The following FBXL17 variants were observed in gnomAD, a reference collection of about 807,000 sequenced individuals.
FBXL17 encodes the protein F-box/LRR-repeat protein 17.
In FBXL17, 22 loss-of-function variants were observed where a neutral mutation model predicts 66.2. The observed-to-expected ratio is 0.33, with a 90% CI of 0.24 to 0.47. The LOEUF (loss-of-function observed/expected upper bound fraction) is 0.47, where lower values mean the gene tolerates loss of function less well. Among genes scored for constraint, FBXL17 ranks in the 20% least tolerant of loss-of-function variants. FBXL17 has a pLI of 1.00. For missense variants in FBXL17, 878 were observed against 948.2 expected, an observed-to-expected ratio of 0.93 and a Z score of 0.97; for synonymous variants, 474 against 400.5, an observed-to-expected ratio of 1.18 and a Z score of -2.19.
intron 4 of FBXL17, among the ~76,000 whole-genome samples, chr5:108,243,122 G>A (rs1755934881): frequency 6.6e-6 from 1 of 152,124 alleles, no homozygotes. Flanking sequence ...AGTCAGATTG[G>A]CTGATAAAAA....
intron 6 of FBXL17, among the ~76,000 whole-genome samples, chr5:108,143,903 TA>T (rs1751459347): frequency 6.6e-6 from 1 of 152,042 alleles, no homozygotes; most frequent in Non-Finnish European, 1.5e-5. Flanking sequence ...AGTAAGCTGG[TA>T]GAGATTTTGA....
At chr5:107,995,493 G>T (rs969221175) in intron 7 of FBXL17, among the ~76,000 whole-genome samples, 1 of 151,868 alleles carries the variant, frequency 6.6e-6, no homozygotes, top group Admixed American at 6.6e-5. Flanking sequence ...AATTCTAGTA[G>T]GACTTATTTG....
At chr5:108,157,472 T>C (rs992655128) in intron 6 of FBXL17, among the ~76,000 whole-genome samples, 1 of 151,698 alleles carries the variant, frequency 6.6e-6, no homozygotes, top group Non-Finnish European at 1.5e-5. Context: ...ATAGGAAAAC[T>C]CACAAATAAA....
At chr5:108,356,094 T>G (rs1259120806) in intron 3 of FBXL17, among the ~76,000 whole-genome samples, 1 of 152,172 alleles carries the variant, frequency 6.6e-6, no homozygotes, top group Non-Finnish European at 1.5e-5. Flanking sequence ...TACATTAATT[T>G]CAGACAGAGC....
intron 7 of FBXL17, among the ~76,000 whole-genome samples, chr5:107,950,523 G>T (rs1346216592): frequency 6.6e-6 from 1 of 152,092 alleles, no homozygotes; most frequent in East Asian, 1.9e-4. Context: ...TGAGGTAATG[G>T]CAAAAAGCAG....
At chr5:108,154,640 CACACACACATAT>C (rs1266971942) in intron 6 of FBXL17, among the ~76,000 whole-genome samples, 1 of 95,748 alleles carries the variant, frequency 1.0e-5, no homozygotes, top group African/African-American at 4.3e-5. Flanking sequence ...CACACACACA[CACACACACATAT>C]ATGTATATAC....
intron 3 of FBXL17, among the ~76,000 whole-genome samples, chr5:108,361,011 T>C (rs1184906545): frequency 6.6e-6 from 1 of 152,102 alleles, no homozygotes; most frequent in Admixed American, 6.6e-5. Context: ...TGGCCATGGT[T>C]TCCTTTATGT....
chr5:108,216,162 A>G (rs939151399), intron 5 of FBXL17, among the ~76,000 whole-genome samples: 1 of 152,110 alleles, frequency 6.6e-6, no homozygotes, highest in African/African-American at 2.4e-5. Flanking sequence ...TTTTTGAGAT[A>G]GTTACGGCTC....
intron 6 of FBXL17, among the ~76,000 whole-genome samples, chr5:108,065,764 C>A (rs1748093282): frequency 6.6e-6 from 1 of 152,072 alleles, no homozygotes; most frequent in African/African-American, 2.4e-5. Flanking sequence ...TCCCAAGTAA[C>A]CTTGGAGTTT....
At chr5:107,995,990 T>A (rs1242593671) in intron 7 of FBXL17, among the ~76,000 whole-genome samples, 1 of 152,204 alleles carries the variant, frequency 6.6e-6, no homozygotes, top group African/African-American at 2.4e-5. Flanking sequence ...ATCTATTCTT[T>A]TTCTTTTCTT....
intron 4 of FBXL17, among the ~76,000 whole-genome samples, chr5:108,234,102 G>C (rs1755489832): frequency 6.6e-6 from 1 of 152,092 alleles, no homozygotes; most frequent in African/African-American, 2.4e-5. Context: ...GCTAGAAGAA[G>C]GATAAAGAGA....
intron 4 of FBXL17, among the ~76,000 whole-genome samples, chr5:108,249,370 T>G (rs563956195): frequency 2.0e-5 from 3 of 152,226 alleles, no homozygotes; most frequent in South Asian, 2.1e-4. Flanking sequence ...TTTTTAAACA[T>G]GAGAGGAACA....
chr5:108,353,764 A>G (rs1205084398), intron 3 of FBXL17, among the ~76,000 whole-genome samples: 1 of 152,078 alleles, frequency 6.6e-6, no homozygotes, highest in Non-Finnish European at 1.5e-5. Context: ...GGGTAAGGGG[A>G]AAAAAAGAAG....
intron 4 of FBXL17, among the ~76,000 whole-genome samples, chr5:108,291,695 G>C (rs943194475): frequency 1.3e-5 from 2 of 152,166 alleles, no homozygotes; most frequent in Admixed American, 6.5e-5. Flanking sequence ...TCCTAACCAA[G>C]TGTTCTCCGA....
chr5:107,869,926 T>C lies in FBXL17; in HGVS notation c.1966-8066A>G, dbSNP rs150711673. The stretch of plus-strand genomic sequence containing the variant: ...ACATAGCAAACTTATGATAAATGTT[T>C]ACTGACATGGGATGAATTAAACTGT... On this transcript the variant is annotated intron_variant, in intron 8 of 8. Transcript: ENST00000542267. Among the ~76,000 whole-genome samples the C allele has an allele frequency of 1.7e-3, 258 of 152,380 alleles. 1 individual carries two copies. Among genetic ancestry groups the C allele is most frequent in the African/African-American group, 6.0e-3 (248 of 41,596 alleles).
At chr5:108,269,546 C>A (rs1436362377) in intron 4 of FBXL17, among the ~76,000 whole-genome samples, 1 of 151,986 alleles carries the variant, frequency 6.6e-6, no homozygotes, top group Non-Finnish European at 1.5e-5. Flanking sequence ...ATTTTTTCCA[C>A]ATGATCATAA....
intron 6 of FBXL17, among the ~76,000 whole-genome samples, chr5:108,085,257 G>A (rs1456293486): frequency 1.3e-5 from 2 of 152,206 alleles, no homozygotes; most frequent in Admixed American, 6.5e-5. Flanking sequence ...TAGTAACTAA[G>A]TTTTTGGTTT....
Position 108,118,123 on chromosome 5 carries a change from G to A in FBXL17, c.1745+67994C>T, listed in dbSNP as rs553192396. ...CCCAGGGTCCAAAGCCACTGTTTGT[G>A]CTTTCCTAAGTATAACACTTGAGCC... On this transcript the variant is annotated intron_variant, in intron 6 of 8. Transcript: ENST00000542267. Among the ~76,000 whole-genome samples the A allele has an allele frequency of 2.0e-5, 3 of 152,254 alleles. No homozygotes were observed. In the South Asian group the frequency reaches 6.2e-4, roughly 32 times the overall value.
intron 4 of FBXL17, among the ~76,000 whole-genome samples, chr5:108,327,960 T>C (rs1759935913): frequency 6.6e-6 from 1 of 152,146 alleles, no homozygotes; most frequent in African/African-American, 2.4e-5. Context: ...GTCTCCAATC[T>C]ATACATTTAA....
Sources: allele counts gnomAD v4.1 joint callset (sites outside exome capture counted in the v4.1 genomes callset), GRCh38; gene constraint gnomAD v4.1.1; transcripts MANE v1.5; gene names NCBI Gene and HGNC (gene_info 2026-07-23, HGNC 2026-07-21).